The following PDCD6 variants were observed in gnomAD, a reference collection of about 807,000 sequenced individuals.
PDCD6 encodes the protein programmed cell death 6.
Under a neutral mutation model 28.3 loss-of-function variants are expected in PDCD6, and 12 were observed. That is an observed-to-expected ratio of 0.42 (90% CI 0.27 to 0.69). The LOEUF is 0.69. Among genes scored for constraint, PDCD6 ranks in the 30% least tolerant of loss-of-function variants. The pLI, the probability that PDCD6 is intolerant of heterozygous loss-of-function variation, is 0.22. For missense variants in PDCD6, 226 were observed against 269.9 expected, an observed-to-expected ratio of 0.84 and a Z score of 1.14; for synonymous variants, 92 against 108.0, an observed-to-expected ratio of 0.85 and a Z score of 0.92.
At chr5:291,309 G>C (rs919232652) in intron 2 of PDCD6, among the ~76,000 whole-genome samples, 8 of 152,150 alleles carry the variant, frequency 5.3e-5, no homozygotes, top group African/African-American at 1.9e-4. Flanking sequence ...GTTCTCCTGC[G>C]TGGCTGCTCC....
intron 2 of PDCD6, among the ~76,000 whole-genome samples, chr5:279,848 A>G (rs537446771): frequency 1.1e-3 from 165 of 151,008 alleles, no homozygotes; most frequent in Middle Eastern, 3.4e-3. Context: ...AATGGCAAAA[A>G]CTGCGATGAC....
At chr5:291,384 A>G (rs1208132315) in intron 2 of PDCD6, among the ~76,000 whole-genome samples, 1 of 150,438 alleles carries the variant, frequency 6.6e-6, no homozygotes, top group Non-Finnish European at 1.5e-5. Context: ...CCTGAGACCC[A>G]CCCACACTGA....
In PDCD6 at chr5:304,392, A is replaced by G. The variant is rs2292632; in HGVS notation, c.208+171A>G. On this transcript the variant is annotated intron_variant, in intron 3 of 5. Coordinates refer to ENST00000264933, the MANE Select transcript of PDCD6 (RefSeq NM_013232.4). The stretch of plus-strand genomic sequence containing the variant: ...TCCCTCCGTCTCTGTACCTTTTCAC[A>G]TCTCTCCGTGTATGTTTGCTCTATT... The G allele has an allele frequency of 0.015, 14,893 of 1,002,920 alleles. 1,389 individuals are homozygous for G. The African/African-American group carries it at 0.26, about 17-fold the overall frequency. 62.1% of individuals were successfully genotyped at this position (1,002,920 alleles called of 1,614,324 possible).
chr5:311,244 A>G, intron 4 of PDCD6, 49 bp from the exon 5 acceptor site: 1 of 1,408,202 alleles, frequency 7.1e-7, no homozygotes, highest in East Asian at 2.3e-5. Context: ...GTTGGCACAT[A>G]CCTCCCGTCT....
At position 279,815 on chromosome 5, in the gene PDCD6, C is replaced by T. The variant is rs1196677958; in HGVS notation, c.163+7043C>T. Among the ~76,000 whole-genome samples the T allele has an allele frequency of 5.5e-5, 8 of 145,964 alleles. No individual in the cohort carries two copies. The East Asian group carries it at 6.0e-4, about 11-fold the overall frequency. On this transcript the variant is annotated intron_variant, in intron 2 of 5. Coordinates refer to ENST00000264933, the MANE Select transcript of PDCD6 (RefSeq NM_013232.4). Reference sequence around the variant, plus strand: ...AAAAAAAAAAAAAAAAACGAGGAGCCGGTGCTGCAGTTCATTAATAGTAAT... The same window carrying T: ...AAAAAAAAAAAAAAAAACGAGGAGCTGGTGCTGCAGTTCATTAATAGTAAT...
intron 2 of PDCD6, among the ~76,000 whole-genome samples, chr5:297,239 C>T (rs1320718615): frequency 6.6e-6 from 1 of 152,266 alleles, no homozygotes; most frequent in African/African-American, 2.4e-5. Flanking sequence ...GATAATTCAT[C>T]TTCCTGAATC....
chr5:293,175 A>T (rs970498254), intron 2 of PDCD6, among the ~76,000 whole-genome samples: 1 of 152,246 alleles, frequency 6.6e-6, no homozygotes, highest in African/African-American at 2.4e-5. Context: ...GGACCCCCTG[A>T]TGGACCAGGA....
chr5:312,389 T>A (rs1740980065), intron 5 of PDCD6: 1 of 152,134 alleles, frequency 6.6e-6, no homozygotes, highest in African/African-American at 2.4e-5. Context: ...CAGCATGGGG[T>A]TTTTAGAAAT....
intron 2 of PDCD6, chr5:276,277 G>C (rs915737665): frequency 2.7e-6 from 3 of 1,121,538 alleles, no homozygotes; most frequent in Non-Finnish European, 3.3e-6. Context: ...TTGGATCATC[G>C]CAGCATTTTT....
rs113802406 is a variant in PDCD6, at chr5:302,107, T to TGTGCGC, written c.164-2069_164-2068insTGCGCG. Among the ~76,000 whole-genome samples the TGTGCGC allele has an allele frequency of 4.0e-3, 452 of 111,662 alleles. 18 individuals carry two copies. The highest frequency in any genetic ancestry group is 0.017 in the African/African-American group (414 of 25,020). The allele number at this position is 111,662 out of a possible 152,430, so 73.3% of individuals were successfully genotyped here. Reference sequence around the variant, plus strand: ...GTGTGTGTGTGTGTGTGTGTGTGTGTGCCTTGGGTTCAGGTGCACCTGCCT... The same window carrying TGTGCGC: ...GTGTGTGTGTGTGTGTGTGTGTGTGTGTGCGCGCCTTGGGTTCAGGTGCACCTGCCT... On this transcript the variant is annotated intron_variant, in intron 2 of 5. Transcript: ENST00000264933.
chr5:277,566 G>C (rs1393171700), intron 2 of PDCD6, among the ~76,000 whole-genome samples: 2 of 151,942 alleles, frequency 1.3e-5, no homozygotes, highest in East Asian at 2.0e-4. Flanking sequence ...CTCCCAAAGT[G>C]CTGGGATTAC....
In PDCD6 at chr5:311,331, C is replaced by T. The variant is rs1363927572; in HGVS notation, c.406C>T (p.Arg136Ter). ...TGACCAGTTCCACGACATCCTCATT[C>T]GAAAGTTTGACAGGCAGGGACGGGG... is the stretch of plus-strand genomic sequence containing the variant. Reference protein sequence around the residue: ...LSDQFHDILIRKFDRQGRGQI... With the variant: ...LSDQFHDILI The change falls in exon 5 of 6, where the codon CGA becomes TGA. Residue 136 changes from arginine to a stop codon, truncating the protein, a stop_gained. Transcript: ENST00000264933. LOFTEE classifies it high-confidence loss of function. The T allele has an allele frequency of 1.2e-6, 2 of 1,614,088 alleles. No homozygotes were observed. The highest frequency in any genetic ancestry group is 8.5e-7 in the Non-Finnish European group (1 of 1,180,000).
chr5:286,179 G>T (rs1483026588), intron 2 of PDCD6, among the ~76,000 whole-genome samples: 1 of 151,544 alleles, frequency 6.6e-6, no homozygotes, highest in East Asian at 2.0e-4. Flanking sequence ...CGTGCAGCTG[G>T]AGACCCAGGT....
rs1554007260 is a variant in PDCD6 at position 298,726 on chromosome 5, A to ACCCAGCTGCTCCCACCCAGCTGCTCCC, written c.164-5438_164-5437insACCCAGCTGCTCCCCCCAGCTGCTCCC. Among the ~76,000 whole-genome samples, 14 of 8,686 alleles carry ACCCAGCTGCTCCCACCCAGCTGCTCCC rather than the reference A, an allele frequency of 1.6e-3. 2 individuals are homozygous for ACCCAGCTGCTCCCACCCAGCTGCTCCC. Among genetic ancestry groups the ACCCAGCTGCTCCCACCCAGCTGCTCCC allele is most frequent in the South Asian group, 4.7e-3 (1 of 214 alleles). 5.7% of individuals were successfully genotyped at this position (8,686 alleles called of 152,430 possible). A position where few individuals can be genotyped will look rare whatever the true frequency, so the allele number is the denominator to read the frequency against. On this transcript the variant is annotated intron_variant, in intron 2 of 5. Coordinates refer to ENST00000264933, the MANE Select transcript of PDCD6 (RefSeq NM_013232.4). ...CAGCTGCTCCCACCCAGCTGCTCCC[A>ACCCAGCTGCTCCCACCCAGCTGCTCCC]CCCAGCTGCTCCCCCCAGCTGCTCA...
chr5:313,161 C>T (rs766529381), intron 5 of PDCD6, among the ~76,000 whole-genome samples: 7 of 152,208 alleles, frequency 4.6e-5, no homozygotes, highest in Admixed American at 1.3e-4. Context: ...TGACCCTAAA[C>T]GCTAGACAGA....
intron 2 of PDCD6, chr5:276,063 C>T: frequency 1.7e-6 from 2 of 1,187,292 alleles, no homozygotes; most frequent in Non-Finnish European, 2.2e-6. Flanking sequence ...CATTGTGAGA[C>T]CCTGTTTCTA....
chr5:291,897 T>C (rs1448668280), intron 2 of PDCD6, among the ~76,000 whole-genome samples: 1 of 152,264 alleles, frequency 6.6e-6, no homozygotes, highest in Non-Finnish European at 1.5e-5. Flanking sequence ...AAGTTGCTTC[T>C]GGTCAGTAGC....
chr5:271,893 G>C lies in PDCD6; in HGVS notation c.101+72G>C, dbSNP rs1737829726. 5.1e-6 allele frequency: 4 copies of C among 788,230 alleles called. No homozygotes were observed. The East Asian group carries it at 1.0e-4, about 20-fold the overall frequency. 48.8% of individuals were successfully genotyped at this position (788,230 alleles called of 1,614,324 possible). On this transcript the variant is annotated intron_variant, in intron 1 of 5. Coordinates refer to ENST00000264933, the MANE Select transcript of PDCD6 (RefSeq NM_013232.4). ...CCCCGACCCCTGTCCCGACTCCCCC[G>C]ACCAACCCCGTTCCCTGCCGGTTCT...
At chr5:279,699 C>G (rs1255812921) in intron 2 of PDCD6, among the ~76,000 whole-genome samples, 2 of 147,562 alleles carry the variant, frequency 1.4e-5, no homozygotes, top group African/African-American at 5.0e-5. Context: ...CATGGAGCTT[C>G]CTTTCTAGAG....
Sources: allele counts gnomAD v4.1 joint callset (sites outside exome capture counted in the v4.1 genomes callset), GRCh38; gene constraint gnomAD v4.1.1; transcripts MANE v1.5; gene names NCBI Gene and HGNC (gene_info 2026-07-23, HGNC 2026-07-21).